MAPK8IP2: variants seen among roughly 807,000 people sequenced by gnomAD.
MAPK8IP2 encodes the protein mitogen-activated protein kinase 8 interacting protein 2, also known as C-Jun-amino-terminal kinase-interacting protein 2.
MAPK8IP2 carries 15 observed loss-of-function variants against 75.6 expected under a neutral mutation model. The ratio of observed to expected loss-of-function variants is 0.20; its 90% CI spans 0.13 to 0.31. The LOEUF is 0.31. Ranked by LOEUF, MAPK8IP2 falls within the 10% of genes least tolerant of loss-of-function variation. MAPK8IP2 has a pLI of 1.00. For synonymous variants in MAPK8IP2, 632 were observed against 554.5 expected (o/e 1.14, Z -1.96); for missense variants, 1,089 against 1,211.2 (o/e 0.90, Z 1.50).
chr22:50,606,860 G>A (rs2071060909), intron 9 of MAPK8IP2, 61 bp from the exon 10 acceptor site: 1 of 1,596,482 alleles, frequency 6.3e-7, no homozygotes, highest in Non-Finnish European at 8.6e-7. Context: ...CCAGTAGGTG[G>A]GAGGCAGGGG....
chr22:50,606,630 C>T, intron 8 of MAPK8IP2, 28 bp from the exon 9 acceptor site: 1 of 1,519,726 alleles, frequency 6.6e-7, no homozygotes, highest in Admixed American at 1.9e-5. Flanking sequence ...CTCCTCAAGA[C>T]CCTCTTCTCC....
rs758742241 is a variant in MAPK8IP2, at chr22:50,610,242, G to A, written c.2334G>A (p.Leu778=). 2 of 1,602,366 alleles carry A rather than the reference G, an allele frequency of 1.2e-6. No individual in the cohort carries two copies. The highest frequency in any genetic ancestry group is 1.1e-5 in the South Asian group (1 of 89,012). The change falls in exon 11 of 12, where the codon CTG becomes CTA. Residue 778 remains leucine, a synonymous_variant. Coordinates refer to ENST00000329492, the MANE Select transcript of MAPK8IP2 (RefSeq NM_012324.6). This position sits in a 1 kb window ranked among gnomAD's most constrained non-coding sequence, Gnocchi z 4.3. ...TCGGCTTCATCACCAAACACCCCCT[G>A]CTGAGCCGCTTCGCCTGCCACGTCT... ...CYFGFITKHP[L]LSRFACHVFV...
intron 9 of MAPK8IP2, 64 bp from the exon 10 acceptor site, chr22:50,606,857 G>A (rs576775425): frequency 1.1e-5 from 17 of 1,592,264 alleles, no homozygotes; most frequent in Middle Eastern, 3.3e-4. Context: ...TGTCCAGTAG[G>A]TGGGAGGCAG....
In MAPK8IP2 at chr22:50,603,465, C is replaced by A. The variant is rs2070975970; in HGVS notation, c.414C>A (p.Pro138=). The change falls in exon 3 of 12, where the codon CCC becomes CCA. Residue 138 remains proline, a synonymous_variant. Transcript: ENST00000329492. ...TGGAGGAGCCCCACAAGCACCGGCCCACCACCCTCCGTCTGACCACACTGG... is the reference window on the plus strand; with the variant it reads ...TGGAGGAGCCCCACAAGCACCGGCCAACCACCCTCCGTCTGACCACACTGG... The part of the protein sequence containing the change: ...PSVEEPHKHR[P]TTLRLTTLGA... 8.9e-6 allele frequency: 14 copies of A among 1,566,562 alleles called. No individual in the cohort carries two copies. The highest frequency in any genetic ancestry group is 1.2e-5 in the Non-Finnish European group (14 of 1,153,526).
rs1294088904 is a variant in MAPK8IP2 at position 50,613,153 on chromosome 22, C to G, written c.*2374C>G. ...CCTGTGCTCAGGCCCCTGGCAGCCG[C>G]CCCCTGTGCAGACCACTGGGCAGAT... On this transcript the variant is annotated 3_prime_UTR_variant, in exon 12 of 12. Coordinates refer to ENST00000329492, the MANE Select transcript of MAPK8IP2 (RefSeq NM_012324.6). 6.5e-6 allele frequency: 1 copy of G among 152,788 alleles called. No homozygotes were observed. The highest frequency in any genetic ancestry group is 1.5e-5 in the Non-Finnish European group (1 of 68,554). The allele number at this position is 152,788 out of a possible 1,614,324, so 9.5% of individuals were successfully genotyped here.
Position 50,601,782 on chromosome 22 carries a change from T to G in MAPK8IP2, c.66-7T>G. ...TGGTGGCTCTCTGACCCTGGTCTCCTTTCCAGGCCTCCCCAGGACATAAGC... is the reference window on the plus strand; with the variant it reads ...TGGTGGCTCTCTGACCCTGGTCTCCGTTCCAGGCCTCCCCAGGACATAAGC... On this transcript the variant is annotated splice_region_variant and splice_polypyrimidine_tract_variant and intron_variant, in intron 1 of 11. Coordinates refer to ENST00000329492, the MANE Select transcript of MAPK8IP2 (RefSeq NM_012324.6). 1.2e-6 allele frequency: 2 copies of G among 1,612,210 alleles called. No homozygotes were observed. The highest frequency in any genetic ancestry group is 1.7e-6 in the Non-Finnish European group (2 of 1,178,682).
At chr22:50,608,177 C>G (rs931842007) in intron 10 of MAPK8IP2, among the ~76,000 whole-genome samples, 4 of 152,150 alleles carry the variant, frequency 2.6e-5, no homozygotes, top group Admixed American at 1.3e-4. Context: ...CTGGAAGGTG[C>G]GGAGCCCTTT....
chr22:50,610,276 C>CAGG lies in MAPK8IP2; in HGVS notation c.2371_2373dup (p.Glu791dup). 3 of 1,609,068 alleles carry CAGG rather than the reference C, an allele frequency of 1.9e-6. No homozygotes were observed. The highest frequency in any genetic ancestry group is 2.5e-6 in the Non-Finnish European group (3 of 1,177,756). ...CTTCGCCTGCCACGTCTTTGTCTCC[C>CAGG]AGGAGTCCATGAGGCCGGTGGCGCA... On this transcript the variant is annotated inframe_insertion, in exon 11 of 12. Transcript: ENST00000329492. The surrounding 1 kb of genome is among the most constrained non-coding windows in gnomAD (Gnocchi z 4.3).
At position 50,603,882 on chromosome 22, in the gene MAPK8IP2, G is replaced by A. The variant is rs906653181; in HGVS notation, c.583G>A (p.Gly195Arg). The change falls in exon 5 of 12, where the codon GGG (glycine) becomes AGG (arginine). Residue 195 changes from glycine to arginine, a missense_variant. Transcript: ENST00000329492. The part of the protein sequence containing the change: ...PLPATDTGPG[G>R]AQSPVRPGCD... ...CCCTGCCACGGACACCGGGCCCGGC[G>A]GGGCGCAGTCGCCAGTGCGCCCGGG... is the stretch of plus-strand genomic sequence containing the variant. 71 of 1,535,174 alleles carry A rather than the reference G, an allele frequency of 4.6e-5. No homozygotes were observed. Among genetic ancestry groups the A allele is most frequent in the African/African-American group, 8.2e-5 (6 of 72,830 alleles).
chr22:50,600,808 TC>T lies in MAPK8IP2; in HGVS notation c.-8del. On this transcript the variant is annotated 5_prime_UTR_variant, in exon 1 of 12. Transcript: ENST00000329492. ...ACCCCCCGCCGCAGTCGCGGGCCTC[TC>T]CCGGAGAAGATGGCGGATCGCGCGG... 1 of 1,268,722 alleles carries T rather than the reference TC, an allele frequency of 7.9e-7. No homozygotes were observed. The allele number at this position is 1,268,722 out of a possible 1,614,324, so 78.6% of individuals were successfully genotyped here. A position where few individuals can be genotyped will look rare whatever the true frequency, so the allele number is the denominator to read the frequency against.
At chr22:50,605,527 GC>G (rs749931115) in intron 6 of MAPK8IP2, 34 bp from the exon 7 acceptor site, 6 of 1,586,110 alleles carry the variant, frequency 3.8e-6, no homozygotes, top group South Asian at 2.3e-5. Context: ...CGTCAATCCC[GC>G]CCCCCTCCCC....
At position 50,603,778 on chromosome 22, in the gene MAPK8IP2, G is replaced by A. The variant is rs1354053037; in HGVS notation, c.541+59G>A. The A allele has an allele frequency of 5.2e-6, 8 of 1,540,122 alleles. No individual in the cohort carries two copies. The East Asian group carries it at 1.5e-4, about 28-fold the overall frequency. ...GCGGGGGAGGAGGGCAGGGAGGATG[G>A]ACTGGCTGCTGGAAGAGGCCTGGGT... is the stretch of plus-strand genomic sequence containing the variant. On this transcript the variant is annotated intron_variant, in intron 4 of 11. Coordinates refer to ENST00000329492, the MANE Select transcript of MAPK8IP2 (RefSeq NM_012324.6).
In MAPK8IP2 at chr22:50,611,148, C is replaced by T. The variant is rs926181292; in HGVS notation, c.*369C>T. 9.7e-6 allele frequency: 2 copies of T among 206,228 alleles called. No individual in the cohort carries two copies. Among genetic ancestry groups the T allele is most frequent in the African/African-American group, 4.6e-5 (2 of 43,442 alleles). 12.8% of individuals were successfully genotyped at this position (206,228 alleles called of 1,614,324 possible). On this transcript the variant is annotated 3_prime_UTR_variant, in exon 12 of 12. Coordinates refer to ENST00000329492, the MANE Select transcript of MAPK8IP2 (RefSeq NM_012324.6). This position sits in a 1 kb window ranked among gnomAD's most constrained non-coding sequence, Gnocchi z 5.5. ...CTTCGGGGGTGTGGAGGAGGTGCGGCTCTAGGGACAGGTAATGTCGGCTTC... is the reference window on the plus strand; with the variant it reads ...CTTCGGGGGTGTGGAGGAGGTGCGGTTCTAGGGACAGGTAATGTCGGCTTC...
chr22:50,602,387 G>A (rs573117348), intron 2 of MAPK8IP2, among the ~76,000 whole-genome samples: 4 of 152,322 alleles, frequency 2.6e-5, no homozygotes, highest in African/African-American at 9.6e-5. Context: ...CTGAGCAACT[G>A]CCATGTGGCA....
rs74937467 is a variant in MAPK8IP2, at chr22:50,601,984, T to A, written c.171+90T>A. The A allele has an allele frequency of 0.033, 36,234 of 1,082,034 alleles. 830 individuals carry two copies. Among genetic ancestry groups the A allele is most frequent in the Non-Finnish European group, 0.043 (30,309 of 707,410 alleles). 67.0% of individuals were successfully genotyped at this position (1,082,034 alleles called of 1,614,324 possible). On this transcript the variant is annotated intron_variant, in intron 2 of 11. Coordinates refer to ENST00000329492, the MANE Select transcript of MAPK8IP2 (RefSeq NM_012324.6). ...TTCACTTGGGGTTTTAGGGTGGGTG[T>A]GAGCTCAGCCTTGAACCGGGGACTC... is the stretch of plus-strand genomic sequence containing the variant.
At position 50,605,461 on chromosome 22, in the gene MAPK8IP2, G is replaced by T. The variant is rs1337033887; in HGVS notation, c.1841+18G>T. On this transcript the variant is annotated intron_variant, in intron 6 of 11. Coordinates refer to ENST00000329492, the MANE Select transcript of MAPK8IP2 (RefSeq NM_012324.6). ...GTGTTCAGGTACGGCCTCCCTCCTT[G>T]CTGGCGGTGGCCCCAGCCTCAGTCC... 3.7e-6 allele frequency: 6 copies of T among 1,612,934 alleles called. No individual in the cohort carries two copies. Among genetic ancestry groups the T allele is most frequent in the Non-Finnish European group, 4.2e-6 (5 of 1,179,624 alleles).
chr22:50,604,826 C>G lies in MAPK8IP2; in HGVS notation c.1527C>G (p.Val509=). 6.4e-7 allele frequency: 1 copy of G among 1,570,676 alleles called. No homozygotes were observed. Among genetic ancestry groups the G allele is most frequent in the Non-Finnish European group, 8.6e-7 (1 of 1,160,244 alleles). The change falls in exon 5 of 12, where the codon GTC becomes GTG. Residue 509 remains valine (V), a synonymous_variant. Transcript: ENST00000329492. ...PRDASLVYDA[V]KYTLVVDEHT... ...ACGCGTCGCTGGTGTACGACGCGGTCAAGTACACGCTGGTGGTGGATGAGC... is the reference window on the plus strand; with the variant it reads ...ACGCGTCGCTGGTGTACGACGCGGTGAAGTACACGCTGGTGGTGGATGAGC...
chr22:50,609,180 A>G (rs2071103864), intron 10 of MAPK8IP2, among the ~76,000 whole-genome samples: 1 of 152,138 alleles, frequency 6.6e-6, no homozygotes, highest in Non-Finnish European at 1.5e-5. Flanking sequence ...CGGTGGTGGT[A>G]GGTCAGGAGA....
At chr22:50,601,492 C>T in intron 1 of MAPK8IP2, 4 of 368,504 alleles carry the variant, frequency 1.1e-5, no homozygotes, top group South Asian at 9.5e-5. Flanking sequence ...GACCCTGACC[C>T]CAGGGGCCTG....
Sources: gnomAD v4.1 joint callset for allele counts (sites outside exome capture counted in the v4.1 genomes callset) on GRCh38, gnomAD v4.1.1 for gene constraint, Gnocchi (gnomAD v3.1) non-coding constraint, MANE v1.5 for transcripts, NCBI Gene and HGNC (gene_info 2026-07-23, HGNC 2026-07-21) for gene names.